Variants in EFCAB7 observed in about 807,000 individuals in gnomAD.
EFCAB7 encodes the protein EF-hand calcium-binding domain-containing protein 7.
A neutral mutation model predicts 77.1 loss-of-function variants in EFCAB7; 66 were observed. That is an observed-to-expected ratio of 0.86 (90% confidence interval 0.70 to 1.05). EFCAB7 has a LOEUF of 1.05. Ranked by LOEUF, EFCAB7 falls within the 50% of genes least tolerant of loss-of-function variation. The pLI, the probability that EFCAB7 is intolerant of heterozygous loss-of-function variation, is 0.00. For missense variants in EFCAB7, 638 were observed against 730.5 expected (o/e 0.87, Z 1.46); for synonymous variants, 225 against 243.3 (o/e 0.92, Z 0.70).
rs1646712376 is a variant in EFCAB7, at chr1:63,532,643, AAAATAAAT to A, written c.400-26_400-19del. On this transcript the variant is annotated intron_variant, in intron 3 of 13. Transcript: ENST00000371088. ...AACAAAGGAGTAATCATGTTGCTTTAAAATAAATCTTGTTTTTTTTTTTCAGAGAGGTG... is the reference window on the plus strand; with the variant it reads ...AACAAAGGAGTAATCATGTTGCTTTACTTGTTTTTTTTTTTCAGAGAGGTG... The A allele has an allele frequency of 1.3e-6, 2 of 1,564,446 alleles. No homozygotes were observed. The highest frequency in any genetic ancestry group is 1.7e-6 in the Non-Finnish European group (2 of 1,154,376).
intron 4 of EFCAB7, 128 bp from the exon 5 acceptor site, chr1:63,533,326 C>T (rs934637758): frequency 1.1e-5 from 7 of 653,744 alleles, no homozygotes; most frequent in East Asian, 6.1e-5. Flanking sequence ...AAATAAAATG[C>T]GTAACCATCA....
chr1:63,564,724 G>A (rs1320075125), intron 11 of EFCAB7, among the ~76,000 whole-genome samples: 1 of 62,596 alleles, frequency 1.6e-5, no homozygotes, highest in Non-Finnish European at 2.8e-5. Context: ...AAATTCATAT[G>A]GAACCAAAAA....
At chr1:63,584,220 G>C in the EFCAB7 span, among the ~76,000 whole-genome samples, 1 of 152,186 alleles carries the variant, frequency 6.6e-6, no homozygotes. Flanking sequence ...GTACTGTATA[G>C]AAACATTTTT....
chr1:63,570,819 G>T, intron 12 of EFCAB7: 2 of 384,254 alleles, frequency 5.2e-6, no homozygotes, highest in Non-Finnish European at 9.4e-6. Flanking sequence ...ACATTTAAAA[G>T]AAAAAGTTTA....
At chr1:63,555,539 G>GA (rs1557683620) in intron 9 of EFCAB7, 24 bp downstream of exon 9, 6 of 1,597,338 alleles carry the variant, frequency 3.8e-6, no homozygotes, top group Non-Finnish European at 5.1e-6. Context: ...ATTAATGTTA[G>GA]AATTATAACA....
At chr1:63,546,395 C>A (rs950061353) in intron 7 of EFCAB7, among the ~76,000 whole-genome samples, 2 of 151,344 alleles carry the variant, frequency 1.3e-5, no homozygotes, top group Non-Finnish European at 2.9e-5. Context: ...GACGGAGTCT[C>A]CCTCTGTTGC....
chr1:63,537,523 A>G (rs1477359260), intron 6 of EFCAB7, among the ~76,000 whole-genome samples: 2 of 152,122 alleles, frequency 1.3e-5, no homozygotes, highest in African/African-American at 2.4e-5. Context: ...GAAATTCCAA[A>G]TGGTTCATTA....
chr1:63,577,176 A>G (rs979948961), downstream of EFCAB7, among the ~76,000 whole-genome samples: 10 of 151,822 alleles, frequency 6.6e-5, no homozygotes, highest in African/African-American at 2.4e-4. Context: ...CACCCAATAC[A>G]TTTCTAAAAA....
intron 11 of EFCAB7, among the ~76,000 whole-genome samples, chr1:63,564,988 G>T (rs1474842294): frequency 1.3e-5 from 2 of 152,200 alleles, no homozygotes; most frequent in Non-Finnish European, 2.9e-5. Context: ...ATAAATGGTT[G>T]CTGGGATAAC....
the EFCAB7 span, among the ~76,000 whole-genome samples, chr1:63,584,466 C>T: frequency 6.6e-6 from 1 of 152,176 alleles, no homozygotes; most frequent in Admixed American, 6.5e-5. Flanking sequence ...GCCAGAGGAT[C>T]ACTTGAGCCC....
chr1:63,553,552 A>T (rs1646992130), intron 8 of EFCAB7, among the ~76,000 whole-genome samples: 1 of 152,110 alleles, frequency 6.6e-6, no homozygotes, highest in African/African-American at 2.4e-5. Context: ...GTTGGCCAGG[A>T]TGGTCTCGAT....
intron 6 of EFCAB7, among the ~76,000 whole-genome samples, chr1:63,541,327 A>G (rs1244059272): frequency 6.6e-6 from 1 of 152,196 alleles, no homozygotes; most frequent in Non-Finnish European, 1.5e-5. Flanking sequence ...TACATTATAT[A>G]CCATTGGTGG....
At chr1:63,576,458 C>A (rs1178531992), downstream of EFCAB7, among the ~76,000 whole-genome samples, 1 of 150,620 alleles carries the variant, frequency 6.6e-6, no homozygotes. Flanking sequence ...CCAGCCCGGG[C>A]GACATGAGTG....
intron 7 of EFCAB7, chr1:63,546,986 ATATT>A (rs932863693): frequency 1.3e-5 from 2 of 152,112 alleles, no homozygotes; most frequent in African/African-American, 4.8e-5. Context: ...TTCTAAATCA[ATATT>A]TATTTTTCTT....
chr1:63,556,872 A>AC lies in EFCAB7; in HGVS notation c.1215-241dup. 3.1e-5 allele frequency among the ~76,000 whole-genome samples: 4 copies of AC among 127,444 alleles called. 1 individual carries two copies. In the South Asian group the frequency reaches 1.1e-3, roughly 36 times the overall value. The allele number at this position is 127,444 out of a possible 152,430, so 83.6% of individuals were successfully genotyped here. A position where few individuals can be genotyped will look rare whatever the true frequency, so the allele number is the denominator to read the frequency against. ...GAGAAACCCCATCTCTACTAAAAAT[A>AC]CAAAAAAAAAAAAAAATTAGCCAGG... is the stretch of plus-strand genomic sequence containing the variant. On this transcript the variant is annotated intron_variant, in intron 9 of 13. Coordinates refer to ENST00000371088, the MANE Select transcript of EFCAB7 (RefSeq NM_032437.4).
Position 63,525,658 on chromosome 1 carries a change from T to A in EFCAB7, c.86T>A (p.Leu29Gln), listed in dbSNP as rs138244713. The A allele has an allele frequency of 5.6e-6, 9 of 1,601,768 alleles. No homozygotes were observed. The African/African-American group carries it at 1.2e-4, about 22-fold the overall frequency. The change falls in exon 2 of 14, where the codon CTA (leucine) becomes CAA (glutamine). Residue 29 changes from leucine to glutamine, a missense_variant. By Grantham distance (113) the Leu-to-Gln change is moderately radical (BLOSUM62 -2). Transcript: ENST00000371088. Reference sequence around the variant, plus strand: ...AGTCCTCGAACAAAGAAATTTCCACTAACTGAAGAGGAAATATTTTATATG... The same window carrying A: ...AGTCCTCGAACAAAGAAATTTCCACAAACTGAAGAGGAAATATTTTATATG... ...SESPRTKKFP[L>Q]TEEEIFYMNC...
chr1:63,546,025 CAATT>C lies in EFCAB7; in HGVS notation c.917_920del (p.Ile306SerfsTer3), dbSNP rs758160403. 296 of 1,612,890 alleles carry C rather than the reference CAATT, an allele frequency of 1.8e-4. No homozygotes were observed. The highest frequency in any genetic ancestry group is 3.3e-4 in the Middle Eastern group (2 of 6,056). On this transcript the variant is annotated frameshift_variant, in exon 7 of 14. Coordinates refer to ENST00000371088, the MANE Select transcript of EFCAB7 (RefSeq NM_032437.4). LOFTEE classifies it high-confidence loss of function. ...GCTCAGAGGTCCATGGTTTATCTAACAATTAAGCCATTAAACCTGAGTCAAGTTG... is the reference window on the plus strand; with the variant it reads ...GCTCAGAGGTCCATGGTTTATCTAACAAGCCATTAAACCTGAGTCAAGTTG...
chr1:63,566,211 C>G (rs1647170173), intron 11 of EFCAB7, among the ~76,000 whole-genome samples: 1 of 152,192 alleles, frequency 6.6e-6, no homozygotes, highest in African/African-American at 2.4e-5. Context: ...ATGGATGGAG[C>G]TGGAAGCCAT....
chr1:63,532,072 A>G lies in EFCAB7; in HGVS notation c.399+41A>G, dbSNP rs201970106. ...CTGTTTTGTAATGTGCATATTTTCT[A>G]AAACAGCTTGGAATCTAGCTTTGAC... On this transcript the variant is annotated intron_variant, in intron 3 of 13. Transcript: ENST00000371088. 11 of 1,493,208 alleles carry G rather than the reference A, an allele frequency of 7.4e-6. No homozygotes were observed. The East Asian group carries it at 2.5e-4, about 34-fold the overall frequency. 92.5% of individuals were successfully genotyped at this position (1,493,208 alleles called of 1,614,324 possible). A position where few individuals can be genotyped will look rare whatever the true frequency, so the allele number is the denominator to read the frequency against.
Sources: gnomAD v4.1 joint callset for allele counts (sites outside exome capture counted in the v4.1 genomes callset) on GRCh38, gnomAD v4.1.1 for gene constraint, MANE v1.5 for transcripts, NCBI Gene and HGNC (gene_info 2026-07-23, HGNC 2026-07-21) for gene names.